AHCTF1: variants seen among roughly 807,000 people sequenced by gnomAD.
AHCTF1 encodes the protein AT-hook containing transcription factor 1.
A neutral mutation model predicts 248.4 loss-of-function variants in AHCTF1; 24 were observed. That is an observed-to-expected ratio of 0.10 (90% CI 0.07 to 0.14). The LOEUF (loss-of-function observed/expected upper bound fraction) is 0.14. AHCTF1 is among the 10% of genes least tolerant of loss of function. The pLI, the probability that AHCTF1 is intolerant of heterozygous loss-of-function variation, is 1.00. For synonymous variants in AHCTF1, 786 were observed against 929.8 expected (o/e 0.85, Z 2.81); for missense variants, 2,206 against 2,636.2 (o/e 0.84, Z 3.57).
Position 246,867,902 on chromosome 1 carries a change from C to A in AHCTF1, c.3089-91G>T. The A allele has an allele frequency of 1.9e-5, 5 of 257,844 alleles. No individual in the cohort carries two copies. In the East Asian group the frequency reaches 3.9e-4, roughly 20 times the overall value. 16.0% of individuals were successfully genotyped at this position (257,844 alleles called of 1,614,324 possible). ...GAAAGAATGATTACACCCCCCCCCC[C>A]ACACACACACACACACACATTACGT... On this transcript the variant is annotated intron_variant, in intron 24 of 35. Coordinates refer to ENST00000648844, the MANE Select transcript of AHCTF1 (RefSeq NM_001323342.2).
intron 6 of AHCTF1, among the ~76,000 whole-genome samples, chr1:246,904,951 T>C (rs1447710964): frequency 6.6e-6 from 1 of 152,174 alleles, no homozygotes; most frequent in African/African-American, 2.4e-5. Context: ...GAGAGCAGGG[T>C]ACTGAGATTG....
Position 246,876,017 on chromosome 1 carries a change from T to C in AHCTF1, c.3088+20A>G. On this transcript the variant is annotated intron_variant, in intron 24 of 35. Coordinates refer to ENST00000648844, the MANE Select transcript of AHCTF1 (RefSeq NM_001323342.2). ...TTTTTTGATCCAATAGATTATGATA[T>C]TCTTCAATGAAATTCTTACCTAATC... The C allele has an allele frequency of 6.4e-7, 1 of 1,570,032 alleles. No individual in the cohort carries two copies. Among genetic ancestry groups the C allele is most frequent in the South Asian group, 1.2e-5 (1 of 85,132 alleles).
chr1:246,848,180 G>T (rs1173959683), intron 33 of AHCTF1, among the ~76,000 whole-genome samples: 1 of 152,102 alleles, frequency 6.6e-6, no homozygotes, highest in African/African-American at 2.4e-5. Flanking sequence ...TATGGGGAGA[G>T]TCATTCTCCT....
rs907935628 is a variant in AHCTF1, at chr1:246,850,929, T to C, written c.5077A>G (p.Ile1693Val). 3.7e-6 allele frequency: 6 copies of C among 1,613,900 alleles called. No individual in the cohort carries two copies. The highest frequency in any genetic ancestry group is 3.3e-4 in the Middle Eastern group (2 of 6,078). ...EITSDTMEQS[I>V]HETIPLVSQN... ...CTCACTAAAGGTATTGTTTCATGAATGGACTGTTCCATTGTATCTGAAGTA... is the reference window on the plus strand; with the variant it reads ...CTCACTAAAGGTATTGTTTCATGAACGGACTGTTCCATTGTATCTGAAGTA... The change falls in exon 33 of 36, where the codon ATT becomes GTT. Residue 1693 changes from isoleucine (I) to valine (V), a missense_variant. Ile to Val is a conservative substitution (Grantham distance 29, BLOSUM62 3). Around this residue, in one of 6 missense-constraint regions of AHCTF1, gnomAD observed 955 missense variants for 1,055.6 expected, o/e 0.90. Transcript: ENST00000648844.
Position 246,870,305 on chromosome 1 carries a change from C to A in AHCTF1, c.3089-2494G>T, listed in dbSNP as rs982642411. On this transcript the variant is annotated intron_variant, in intron 24 of 35. Coordinates refer to ENST00000648844, the MANE Select transcript of AHCTF1 (RefSeq NM_001323342.2). ...AAAAATACCCAGGCACGGTTGCAGT[C>A]TCAGCCACTCGGAAAGCTGAGGCAG... Among the ~76,000 whole-genome samples, 3 of 152,104 alleles carry A rather than the reference C, an allele frequency of 2.0e-5. No individual in the cohort carries two copies. The East Asian group carries it at 5.8e-4, about 29-fold the overall frequency.
At chr1:246,900,508 A>T in intron 8 of AHCTF1, 39 bp from the exon 9 acceptor site, 1 of 1,562,598 alleles carries the variant, frequency 6.4e-7, no homozygotes, top group South Asian at 1.2e-5. Flanking sequence ...AGAATAAAGA[A>T]TCTCAAAGTA....
rs1055674254 is a variant in AHCTF1 at position 246,889,038 on chromosome 1, G to A, written c.2145-521C>T. Among the ~76,000 whole-genome samples the A allele has an allele frequency of 6.6e-5, 10 of 152,160 alleles. No homozygotes were observed. The South Asian group carries it at 1.0e-3, about 16-fold the overall frequency. ...CATCAACAAGCCAGTCAGTCAAGGT[G>A]AGGTCCCCATGTGGTCCATCCAGCC... On this transcript the variant is annotated intron_variant, in intron 17 of 35. Transcript: ENST00000648844.
chr1:246,891,137 T>A (rs1352887890), intron 15 of AHCTF1, 77 bp from the exon 16 acceptor site: 2 of 820,284 alleles, frequency 2.4e-6, no homozygotes, highest in East Asian at 6.2e-5. Flanking sequence ...ATTAATCACT[T>A]GGTAATTTAC....
At chr1:246,887,051 T>TTC (rs758495293) in intron 20 of AHCTF1, among the ~76,000 whole-genome samples, 160 bp downstream of exon 20, 15 of 152,228 alleles carry the variant, frequency 9.9e-5, no homozygotes, top group Non-Finnish European at 1.3e-4. Context: ...TATTCTTGCC[T>TTC]TCTAAAATAG....
Position 246,900,111 on chromosome 1 carries a change from T to C in AHCTF1, c.1386A>G (p.Ser462=), listed in dbSNP as rs1353009478. ...ERSLNRGVPP[S]YPPPEQFFNP... is the part of the protein sequence containing the mutation. Reference sequence around the variant, plus strand: ...TAAAAAACTGCTCGGGAGGTGGATATGAAGGAGGGACTCCTCTATTTAAAC... The same window carrying C: ...TAAAAAACTGCTCGGGAGGTGGATACGAAGGAGGGACTCCTCTATTTAAAC... The change falls in exon 10 of 36, where the codon TCA becomes TCG. Residue 462 remains serine (S), a synonymous_variant. Transcript: ENST00000648844. 2 of 1,607,518 alleles carry C rather than the reference T, an allele frequency of 1.2e-6. No individual in the cohort carries two copies. Among genetic ancestry groups the C allele is most frequent in the African/African-American group, 1.3e-5 (1 of 74,626 alleles).
At chr1:246,917,009 T>C (rs1177917005) in intron 2 of AHCTF1, among the ~76,000 whole-genome samples, 1 of 152,188 alleles carries the variant, frequency 6.6e-6, no homozygotes, top group Non-Finnish European at 1.5e-5. Flanking sequence ...CTATTAGTCA[T>C]GTTTGGATTT....
At chr1:246,904,119 A>G in intron 6 of AHCTF1, 86 bp from the exon 7 acceptor site, 1 of 1,155,350 alleles carries the variant, frequency 8.7e-7, no homozygotes, top group South Asian at 1.3e-5. Context: ...TTTGCTTGCA[A>G]TGTTGAGTGC....
intron 4 of AHCTF1, among the ~76,000 whole-genome samples, chr1:246,912,092 T>C (rs548233469): frequency 2.0e-5 from 3 of 152,226 alleles, no homozygotes; most frequent in Middle Eastern, 3.4e-3. Flanking sequence ...TTATGTTCAT[T>C]ATAAACTACA....
In AHCTF1 at chr1:246,839,569, C is replaced by G; in HGVS notation, c.*1237G>C. ...CGCACTCGCACTGCTTTCACACTGT[C>G]AACACTTTGCGTAGGCATTTTCACC... On this transcript the variant is annotated 3_prime_UTR_variant, in exon 36 of 36. Transcript: ENST00000648844. The G allele has an allele frequency of 1.0e-6, 1 of 985,876 alleles. No homozygotes were observed. Among genetic ancestry groups the G allele is most frequent in the South Asian group, 4.7e-5 (1 of 21,290 alleles). 61.1% of individuals were successfully genotyped at this position (985,876 alleles called of 1,614,324 possible). A position where few individuals can be genotyped will look rare whatever the true frequency, so the allele number is the denominator to read the frequency against.
At chr1:246,903,652 A>ACCC (rs1038477874) in intron 7 of AHCTF1, among the ~76,000 whole-genome samples, 4 of 88,448 alleles carry the variant, frequency 4.5e-5, no homozygotes, top group African/African-American at 2.0e-4. Flanking sequence ...AGATGGTGAG[A>ACCC]CCCCCCCCCC....
At chr1:246,930,290 A>T (rs947913367) in intron 1 of AHCTF1, among the ~76,000 whole-genome samples, 1 of 152,096 alleles carries the variant, frequency 6.6e-6, no homozygotes, top group African/African-American at 2.4e-5. Context: ...GCGCGCGACT[A>T]GAGGCGCCAC....
At position 246,840,737 on chromosome 1, in the gene AHCTF1, A is replaced by G. The variant is rs996577835; in HGVS notation, c.*69T>C. On this transcript the variant is annotated 3_prime_UTR_variant, in exon 36 of 36. Transcript: ENST00000648844. ...TATATAAATTATTTTCTTCCAAACT[A>G]GATATTTAATAATCCACACTATTCT... is the stretch of plus-strand genomic sequence containing the variant. 8 of 1,130,050 alleles carry G rather than the reference A, an allele frequency of 7.1e-6. No homozygotes were observed. The African/African-American group carries it at 9.7e-5, about 14-fold the overall frequency. The allele number at this position is 1,130,050 out of a possible 1,614,324, so 70.0% of individuals were successfully genotyped here. A position where few individuals can be genotyped will look rare whatever the true frequency, so the allele number is the denominator to read the frequency against.
intron 1 of AHCTF1, among the ~76,000 whole-genome samples, chr1:246,924,915 C>A (rs1666827160): frequency 6.6e-6 from 1 of 152,062 alleles, no homozygotes; most frequent in South Asian, 2.1e-4. Context: ...AATACAAAAC[C>A]CTCATGAGGG....
chr1:246,878,828 A>G (rs186815694), intron 21 of AHCTF1, among the ~76,000 whole-genome samples: 35 of 152,334 alleles, frequency 2.3e-4, no homozygotes, highest in African/African-American at 7.7e-4. Context: ...ATACAGGCCA[A>G]CAACTCAAGA....
Sources: gnomAD v4.1 joint callset for allele counts (sites outside exome capture counted in the v4.1 genomes callset) on GRCh38, gnomAD v4.1.1 for gene constraint, gnomAD v4.1.1 regional missense constraint, MANE v1.5 for transcripts, NCBI Gene and HGNC (gene_info 2026-07-23, HGNC 2026-07-21) for gene names.